Variants in CDK14 observed in about 807,000 individuals in gnomAD.
CDK14 encodes the protein cyclin-dependent kinase 14.
In CDK14, 34 loss-of-function variants were observed where a neutral mutation model predicts 60.7. That is an observed-to-expected ratio of 0.56 (90% CI 0.43 to 0.75). CDK14 has a LOEUF of 0.75. Among genes scored for constraint, CDK14 ranks in the 30% least tolerant of loss-of-function variants. The pLI, the probability that CDK14 is intolerant of heterozygous loss-of-function variation, is 0.00. For missense variants in CDK14, 482 were observed against 564.1 expected, an observed-to-expected ratio of 0.85 and a Z score of 1.47; for synonymous variants, 197 against 203.7, an observed-to-expected ratio of 0.97 and a Z score of 0.28.
intron 2 of CDK14, among the ~76,000 whole-genome samples, chr7:90,647,306 G>A (rs28419465): frequency 2.8e-4 from 43 of 152,148 alleles, no homozygotes; most frequent in African/African-American, 9.6e-4. Flanking sequence ...TATAACCTCT[G>A]TGACTGGTTC....
chr7:90,618,310 A>G (rs895649191), intron 2 of CDK14, among the ~76,000 whole-genome samples: 13 of 152,226 alleles, frequency 8.5e-5, no homozygotes, highest in Non-Finnish European at 1.8e-4. Context: ...GAAAAGGGAT[A>G]GACCAATTTT....
intron 12 of CDK14, among the ~76,000 whole-genome samples, chr7:91,092,980 T>G (rs1283070710): frequency 6.6e-6 from 1 of 152,166 alleles, no homozygotes; most frequent in Non-Finnish European, 1.5e-5. Flanking sequence ...CATCACAGAG[T>G]AAATAAATTA....
At chr7:90,818,447 C>CATGCTTAA (rs1323517531) in intron 5 of CDK14, among the ~76,000 whole-genome samples, 2 of 152,150 alleles carry the variant, frequency 1.3e-5, no homozygotes, top group African/African-American at 4.8e-5. Context: ...TTTTCAAATG[C>CATGCTTAA]ATGCTTAAAT....
Position 90,995,209 on chromosome 7 carries a change from G to T in CDK14, c.1041+10968G>T, listed in dbSNP as rs184466842. On this transcript the variant is annotated intron_variant, in intron 10 of 14. Coordinates refer to ENST00000380050, the MANE Select transcript of CDK14 (RefSeq NM_001287135.2). ...CTTTGTCTTCCTCTCTTACCGGCTCGCTCTGAGGGAAGCCAGCTGCCATGT... is the reference window on the plus strand; with the variant it reads ...CTTTGTCTTCCTCTCTTACCGGCTCTCTCTGAGGGAAGCCAGCTGCCATGT... 4.1e-4 allele frequency among the ~76,000 whole-genome samples: 63 copies of T among 152,194 alleles called. No individual in the cohort carries two copies. The Middle Eastern group carries it at 0.01, about 25-fold the overall frequency.
intron 14 of CDK14, among the ~76,000 whole-genome samples, chr7:91,174,261 G>T (rs1032108694): frequency 5.9e-5 from 9 of 151,964 alleles, no homozygotes; most frequent in Non-Finnish European, 1.2e-4. Flanking sequence ...CTGTTAGAAG[G>T]AAAACTAACA....
intron 2 of CDK14, among the ~76,000 whole-genome samples, chr7:90,680,173 A>T (rs952788044): frequency 6.6e-6 from 1 of 152,030 alleles, no homozygotes; most frequent in African/African-American, 2.4e-5. Flanking sequence ...GTAAGATAGG[A>T]GTGTTTTGGA....
intron 2 of CDK14, among the ~76,000 whole-genome samples, chr7:90,653,538 G>A (rs1800691183): frequency 6.6e-6 from 1 of 151,606 alleles, no homozygotes; most frequent in Admixed American, 6.6e-5. Context: ...TCCTTGTCAT[G>A]AACACTAACC....
chr7:90,898,702 G>A (rs554889256), intron 6 of CDK14, among the ~76,000 whole-genome samples: 4 of 151,888 alleles, frequency 2.6e-5, no homozygotes, highest in African/African-American at 7.2e-5. Flanking sequence ...TTGAATATTC[G>A]TTTAAACATA....
chr7:90,641,655 G>A lies in CDK14; in HGVS notation c.123+37406G>A, dbSNP rs1368569637. 4.7e-5 allele frequency among the ~76,000 whole-genome samples: 5 copies of A among 105,878 alleles called. No individual in the cohort carries two copies. In the East Asian group the frequency reaches 1.3e-3, roughly 28 times the overall value. The allele number at this position is 105,878 out of a possible 152,430, so 69.5% of individuals were successfully genotyped here. On this transcript the variant is annotated intron_variant, in intron 2 of 14. Coordinates refer to ENST00000380050, the MANE Select transcript of CDK14 (RefSeq NM_001287135.2). ...GGTGGGGAGGAGATGATGGGGTGGG[G>A]TGGGGGATTGACAGCTGTGGCTCTC...
intron 5 of CDK14, among the ~76,000 whole-genome samples, chr7:90,856,085 G>A (rs570813450): frequency 1.5e-4 from 23 of 152,250 alleles, no homozygotes; most frequent in Admixed American, 6.5e-4. Flanking sequence ...ACACCTTTTC[G>A]TAGATATAAA....
At chr7:90,830,718 T>G (rs573613646) in intron 5 of CDK14, among the ~76,000 whole-genome samples, 1 of 152,318 alleles carries the variant, frequency 6.6e-6, no homozygotes, top group South Asian at 2.1e-4. Flanking sequence ...GACCATCTCT[T>G]TGTGAACACA....
intron 14 of CDK14, among the ~76,000 whole-genome samples, chr7:91,131,103 G>T (rs570474615): frequency 4.1e-4 from 61 of 149,480 alleles, no homozygotes; most frequent in African/African-American, 1.4e-3. Flanking sequence ...TTTTTTTTTT[G>T]TTTTTGTTTT....
intron 12 of CDK14, among the ~76,000 whole-genome samples, chr7:91,110,124 T>C (rs1207411154): frequency 2.0e-5 from 3 of 152,118 alleles, no homozygotes; most frequent in Non-Finnish European, 4.4e-5. Context: ...TATCATGTCT[T>C]AACAACTTAG....
chr7:91,172,044 T>C (rs938275659), intron 14 of CDK14, among the ~76,000 whole-genome samples: 3 of 152,246 alleles, frequency 2.0e-5, no homozygotes, highest in Admixed American at 2.0e-4. Context: ...AGTCCACAAA[T>C]TTTATCATAA....
intron 5 of CDK14, among the ~76,000 whole-genome samples, chr7:90,826,339 C>T (rs1789721581): frequency 6.6e-6 from 1 of 152,132 alleles, no homozygotes; most frequent in Non-Finnish European, 1.5e-5. Context: ...CTGCCTCAGC[C>T]TTGTGAGTAG....
At chr7:90,818,992 C>A (rs996021918) in intron 5 of CDK14, among the ~76,000 whole-genome samples, 1 of 151,808 alleles carries the variant, frequency 6.6e-6, no homozygotes, top group East Asian at 1.9e-4. Flanking sequence ...AAAAATATGA[C>A]TAGAGAAATA....
At chr7:90,684,799 A>G (rs1801396131) in intron 2 of CDK14, among the ~76,000 whole-genome samples, 1 of 152,090 alleles carries the variant, frequency 6.6e-6, no homozygotes, top group Non-Finnish European at 1.5e-5. Context: ...CCATCCATCC[A>G]TTCATTTATC....
At position 90,652,809 on chromosome 7, in the gene CDK14, A is replaced by T. The variant is rs550420350; in HGVS notation, c.123+48560A>T. Reference sequence around the variant, plus strand: ...AAGGTTAAATCATTTGCCCAAAGACACACATCTACAAAGTGACGGAAGTTA... The same window carrying T: ...AAGGTTAAATCATTTGCCCAAAGACTCACATCTACAAAGTGACGGAAGTTA... On this transcript the variant is annotated intron_variant, in intron 2 of 14. Transcript: ENST00000380050. Among the ~76,000 whole-genome samples the T allele has an allele frequency of 3.9e-5, 6 of 152,342 alleles. No individual in the cohort carries two copies. The South Asian group carries it at 1.2e-3, about 32-fold the overall frequency.
intron 4 of CDK14, among the ~76,000 whole-genome samples, chr7:90,782,271 C>T (rs1805364955): frequency 6.6e-6 from 1 of 151,986 alleles, no homozygotes; most frequent in South Asian, 2.1e-4. Context: ...TGATTTTATA[C>T]CTGAGACTTT....
Sources: allele counts gnomAD v4.1 joint callset (sites outside exome capture counted in the v4.1 genomes callset), GRCh38; gene constraint gnomAD v4.1.1; transcripts MANE v1.5; gene names NCBI Gene and HGNC (gene_info 2026-07-23, HGNC 2026-07-21).